The following POLR3H variants were observed in gnomAD, a reference collection of about 807,000 sequenced individuals.
POLR3H encodes RNA polymerase III subunit H, also known as DNA-directed RNA polymerase III subunit RPC8.
A neutral mutation model predicts 25.5 loss-of-function variants in POLR3H; 17 were observed. The observed-to-expected ratio is 0.67, with a 90% confidence interval of 0.46 to 1.00. The LOEUF is 1.00. Ranked by LOEUF, POLR3H falls within the 50% of genes least tolerant of loss-of-function variation. POLR3H has a pLI of 0.00. For synonymous variants in POLR3H, 129 were observed against 103.0 expected (o/e 1.25, Z -1.53); for missense variants, 274 against 265.0 (o/e 1.03, Z -0.24).
chr22:41,543,180 G>A (rs2066957776), intron 1 of POLR3H, among the ~76,000 whole-genome samples: 1 of 152,148 alleles, frequency 6.6e-6, no homozygotes. Flanking sequence ...GGAAAGGGAG[G>A]ACTGTCAAAG....
At chr22:41,531,899 G>C (rs1330407805) in intron 4 of POLR3H, among the ~76,000 whole-genome samples, 195 bp downstream of exon 4, 4 of 152,216 alleles carry the variant, frequency 2.6e-5, no homozygotes, top group African/African-American at 9.6e-5. Flanking sequence ...AGACAGGCAT[G>C]TGGGCATCAC....
At chr22:41,537,833 G>A (rs56319767) in intron 2 of POLR3H, among the ~76,000 whole-genome samples, 27,870 of 151,782 alleles carry the variant, frequency 0.18, 3,487 homozygotes, top group Admixed American at 0.38. Flanking sequence ...TTTGAGACGG[G>A]GTCTCTCTCT....
At position 41,544,420 on chromosome 22, in the gene POLR3H, T is replaced by TCACGCAC; in HGVS notation, c.-326_-320dup. On this transcript the variant is annotated 5_prime_UTR_variant, in exon 1 of 6. Coordinates refer to ENST00000355209, the MANE Select transcript of POLR3H (RefSeq NM_001018050.4). ...CCCGCGCCACGTGCCGCCGCTCGTATCACGCACCACGCACCACGCACCGCG... is the reference window on the plus strand; with the variant it reads ...CCCGCGCCACGTGCCGCCGCTCGTATCACGCACCACGCACCACGCACCACGCACCGCG... 6 of 157,470 alleles carry TCACGCAC rather than the reference T, an allele frequency of 3.8e-5. 1 individual carries two copies. The highest frequency in any genetic ancestry group is 9.6e-5 in the African/African-American group (2 of 20,830). 9.8% of individuals were successfully genotyped at this position (157,470 alleles called of 1,614,324 possible). A position where few individuals can be genotyped will look rare whatever the true frequency, so the allele number is the denominator to read the frequency against.
At chr22:41,529,360 C>T (rs2066674442) in intron 5 of POLR3H, 24 bp from the exon 6 acceptor site, 1 of 1,611,714 alleles carries the variant, frequency 6.2e-7, no homozygotes, top group Non-Finnish European at 8.5e-7. Flanking sequence ...AGAACACGCA[C>T]ATTTCACTGA....
chr22:41,543,634 A>G (rs2066968400), intron 1 of POLR3H: 1 of 392,294 alleles, frequency 2.5e-6, no homozygotes, highest in Non-Finnish European at 5.0e-6. Flanking sequence ...AACAAAAAAC[A>G]AAACAAAACA....
chr22:41,542,654 A>T (rs147226125), intron 1 of POLR3H, among the ~76,000 whole-genome samples: 426 of 152,210 alleles, frequency 2.8e-3, no homozygotes, highest in Non-Finnish European at 5.1e-3. Flanking sequence ...CTTCTCATTC[A>T]TATCTGCTTT....
Position 41,527,745 on chromosome 22 carries a change from A to G in POLR3H, c.*1538T>C. 8.1e-7 allele frequency: 1 copy of G among 1,233,580 alleles called. No homozygotes were observed. The highest frequency in any genetic ancestry group is 2.4e-5 in the East Asian group (1 of 41,268). 76.4% of individuals were successfully genotyped at this position (1,233,580 alleles called of 1,614,324 possible). A position where few individuals can be genotyped will look rare whatever the true frequency, so the allele number is the denominator to read the frequency against. ...GCGCACACTTGCTAGGGGCACCCCTAGTGAAAGGGAGCAGACCAGGGCCCC... is the reference window on the plus strand; with the variant it reads ...GCGCACACTTGCTAGGGGCACCCCTGGTGAAAGGGAGCAGACCAGGGCCCC... On this transcript the variant is annotated 3_prime_UTR_variant, in exon 6 of 6. Transcript: ENST00000355209.
At position 41,528,103 on chromosome 22, in the gene POLR3H, C is replaced by G; in HGVS notation, c.*1180G>C. 1 of 1,589,040 alleles carries G rather than the reference C, an allele frequency of 6.3e-7. No individual in the cohort carries two copies. Among genetic ancestry groups the G allele is most frequent in the Non-Finnish European group, 8.6e-7 (1 of 1,166,092 alleles). ...CCCTCCTGCACTGGCCCCAGGGTAG[C>G]TTCTCCCAGGAGGCTTCATTCCAGC... On this transcript the variant is annotated 3_prime_UTR_variant, in exon 6 of 6. Coordinates refer to ENST00000355209, the MANE Select transcript of POLR3H (RefSeq NM_001018050.4).
At chr22:41,543,508 C>T (rs1231319883) in intron 1 of POLR3H, among the ~76,000 whole-genome samples, 1 of 152,066 alleles carries the variant, frequency 6.6e-6, no homozygotes, top group Non-Finnish European at 1.5e-5. Context: ...GTTGTCCCAG[C>T]TACTCGGGAG....
Position 41,526,134 on chromosome 22 carries a change from C to T in POLR3H, c.*3149G>A, listed in dbSNP as rs938529176. 1.2e-5 allele frequency: 9 copies of T among 761,086 alleles called. No individual in the cohort carries two copies. The highest frequency in any genetic ancestry group is 7.1e-5 in the South Asian group (4 of 56,018). The allele number at this position is 761,086 out of a possible 1,614,324, so 47.1% of individuals were successfully genotyped here. ...GGACCACAGAACACGTGTCTGAAGA[C>T]TTGCCTGCCTCTCACCCCTCTGTCA... On this transcript the variant is annotated 3_prime_UTR_variant, in exon 6 of 6. Transcript: ENST00000355209.
chr22:41,535,714 C>T (rs1425146289), intron 2 of POLR3H, among the ~76,000 whole-genome samples: 1 of 152,188 alleles, frequency 6.6e-6, no homozygotes, highest in Non-Finnish European at 1.5e-5. Context: ...TGGCTCACGC[C>T]TGTAATCCCA....
rs746545448 is a variant in POLR3H, at chr22:41,532,090, A to T, written c.359+4T>A. 1 of 1,613,872 alleles carries T rather than the reference A, an allele frequency of 6.2e-7. No homozygotes were observed. Among genetic ancestry groups the T allele is most frequent in the Non-Finnish European group, 8.5e-7 (1 of 1,179,756 alleles). ...GACAAACCACTTTAACCCTTGGAGG[A>T]TACAACTTGGCTGGCTGCTGCAGTG... On this transcript the variant is annotated splice_donor_region_variant and intron_variant, in intron 4 of 5. Transcript: ENST00000355209.
chr22:41,532,128 T>C lies in POLR3H; in HGVS notation c.325A>G (p.Ile109Val). ...GGCTGCTGCAGTGACTCTGGGGGGATGAGAATGTCATCGAAGAAGCCTAGA... is the reference window on the plus strand; with the variant it reads ...GGCTGCTGCAGTGACTCTGGGGGGACGAGAATGTCATCGAAGAAGCCTAGA... The part of the protein sequence containing the change: ...VSLGFFDDIL[I>V]PPESLQQPAK... Residue 109 changes from isoleucine (I) to valine (V), a missense_variant, in exon 4 of 6, where the codon ATC becomes GTC. Transcript: ENST00000355209. 6.2e-7 allele frequency: 1 copy of C among 1,613,946 alleles called. No homozygotes were observed. The highest frequency in any genetic ancestry group is 8.5e-7 in the Non-Finnish European group (1 of 1,179,960).
rs186279899 is a variant in POLR3H at position 41,536,026 on chromosome 22, G to A, written c.209-3281C>T. Among the ~76,000 whole-genome samples, 252 of 149,490 alleles carry A rather than the reference G, an allele frequency of 1.7e-3. 1 individual carries two copies. Among genetic ancestry groups the A allele is most frequent in the South Asian group, 2.3e-3 (11 of 4,724 alleles). On this transcript the variant is annotated intron_variant, in intron 2 of 5. Coordinates refer to ENST00000355209, the MANE Select transcript of POLR3H (RefSeq NM_001018050.4). ...AGGCTGGTCTCGAACTCCTGACCTCGTGATCCGCCCGCCTCAGACTCCCAA... is the reference window on the plus strand; with the variant it reads ...AGGCTGGTCTCGAACTCCTGACCTCATGATCCGCCCGCCTCAGACTCCCAA...
Position 41,530,893 on chromosome 22 carries a change from G to C in POLR3H, c.360-5C>G, listed in dbSNP as rs776364143. ...CACACCTGCTCCGCTTCGTCGCTGA[G>C]GGGGTCCAGGGTCAAGGCAGCAACC... On this transcript the variant is annotated splice_region_variant and splice_polypyrimidine_tract_variant and intron_variant, in intron 4 of 5. Transcript: ENST00000355209. 5.0e-6 allele frequency: 8 copies of C among 1,613,402 alleles called. No individual in the cohort carries two copies. The African/African-American group carries it at 1.1e-4, about 22-fold the overall frequency.
intron 2 of POLR3H, among the ~76,000 whole-genome samples, chr22:41,535,696 G>A (rs1292748325): frequency 3.3e-5 from 5 of 152,188 alleles, no homozygotes; most frequent in Non-Finnish European, 2.9e-5. Context: ...TGAGCAGGCC[G>A]GGCGCTGTGG....
Position 41,528,423 on chromosome 22 carries a change from G to T in POLR3H, c.*860C>A. 4 of 1,591,528 alleles carry T rather than the reference G, an allele frequency of 2.5e-6. No homozygotes were observed. The highest frequency in any genetic ancestry group is 2.2e-5 in the East Asian group (1 of 44,654). On this transcript the variant is annotated 3_prime_UTR_variant, in exon 6 of 6. Transcript: ENST00000355209. ...GCCCTGTCTCCCTGACCCCCCTGCG[G>T]GGCCAAGGGCACACAGTACCCACCA...
Position 41,528,378 on chromosome 22 carries a change from C to A in POLR3H, c.*905G>T. 2 of 1,510,596 alleles carry A rather than the reference C, an allele frequency of 1.3e-6. No homozygotes were observed. Among genetic ancestry groups the A allele is most frequent in the South Asian group, 2.6e-5 (2 of 77,968 alleles). The allele number at this position is 1,510,596 out of a possible 1,614,324, so 93.6% of individuals were successfully genotyped here. ...CCTAGGATTTGGTTTGCCTGCTGAC[C>A]TCTTAGGTCCCCAGGCAGTGCCCTG... On this transcript the variant is annotated 3_prime_UTR_variant, in exon 6 of 6. Transcript: ENST00000355209.
chr22:41,529,613 A>C, intron 5 of POLR3H: 1 of 696,696 alleles, frequency 1.4e-6, no homozygotes, highest in East Asian at 2.8e-5. Flanking sequence ...CTAGGTTCTA[A>C]TCGTGGCAGG....
Sources: allele counts gnomAD v4.1 joint callset (sites outside exome capture counted in the v4.1 genomes callset), GRCh38; gene constraint gnomAD v4.1.1; transcripts MANE v1.5; gene names NCBI Gene and HGNC (gene_info 2026-07-23, HGNC 2026-07-21).